The following LRCH1 variants were observed in gnomAD, a reference collection of about 807,000 sequenced individuals.
The protein encoded by LRCH1 is leucine-rich repeat and calponin homology domain-containing protein 1.
In LRCH1, 23 loss-of-function variants were observed where a neutral mutation model predicts 94.9. The ratio of observed to expected loss-of-function variants is 0.24; its 90% confidence interval spans 0.17 to 0.34. The LOEUF is 0.34. LRCH1 is among the 10% of genes least tolerant of loss of function. The probability of loss-of-function intolerance (pLI) is 1.00; values close to 1 mark genes in which losing one functional copy is unlikely to be tolerated. For synonymous variants in LRCH1, 364 were observed against 354.9 expected, an observed-to-expected ratio of 1.03 and a Z score of -0.29; for missense variants, 790 against 945.9, an observed-to-expected ratio of 0.84 and a Z score of 2.16.
chr13:46,679,756 AG>A (rs1218971470), intron 3 of LRCH1: 1 of 152,164 alleles, frequency 6.6e-6, no homozygotes, highest in East Asian at 1.9e-4. Context: ...AAGCTTGGGG[AG>A]GTATCTGCAC....
At chr13:46,694,562 ATACATAGT>A (rs1200981246) in intron 8 of LRCH1, among the ~76,000 whole-genome samples, 1 of 152,326 alleles carries the variant, frequency 6.6e-6, no homozygotes, top group African/African-American at 2.4e-5. Context: ...TAAATATGAA[ATACATAGT>A]AACATATTAC....
intron 4 of LRCH1, among the ~76,000 whole-genome samples, chr13:46,682,445 A>G (rs553705581): frequency 3.9e-5 from 6 of 152,290 alleles, no homozygotes; most frequent in Admixed American, 3.9e-4. Flanking sequence ...AGAGGTTAGG[A>G]CTTCAATATA....
chr13:46,744,636 A>C lies in LRCH1; in HGVS notation c.*2788A>C, dbSNP rs1243923784. On this transcript the variant is annotated 3_prime_UTR_variant, in exon 20 of 20. Coordinates refer to ENST00000389797, the MANE Select transcript of LRCH1 (RefSeq NM_001164211.2). ...AGCCTGCTGCTATTTGTTTGTAAGAAATTAAAACTAGCGCGTGGTGAGCTG... is the reference window on the plus strand; with the variant it reads ...AGCCTGCTGCTATTTGTTTGTAAGACATTAAAACTAGCGCGTGGTGAGCTG... 1.0e-6 allele frequency: 1 copy of C among 985,292 alleles called. No homozygotes were observed. The highest frequency in any genetic ancestry group is 1.2e-6 in the Non-Finnish European group (1 of 829,946). 61.0% of individuals were successfully genotyped at this position (985,292 alleles called of 1,614,324 possible). A position where few individuals can be genotyped will look rare whatever the true frequency, so the allele number is the denominator to read the frequency against.
chr13:46,643,375 G>A (rs1283569298), intron 1 of LRCH1, among the ~76,000 whole-genome samples: 2 of 152,062 alleles, frequency 1.3e-5, no homozygotes, highest in Admixed American at 6.6e-5. Context: ...AACCATGAAC[G>A]GACTGCCCTC....
chr13:46,555,087 A>G (rs1337031101), intron 1 of LRCH1, among the ~76,000 whole-genome samples: 1 of 152,196 alleles, frequency 6.6e-6, no homozygotes, highest in Non-Finnish European at 1.5e-5. Flanking sequence ...GGGTCATTAA[A>G]CTTTGTAATT....
At position 46,553,617 on chromosome 13, in the gene LRCH1, G is replaced by C. The variant is rs780873938; in HGVS notation, c.221G>C (p.Gly74Ala). The change falls in exon 1 of 20, where the codon GGG becomes GCG. Residue 74 changes from glycine (G) to alanine (A), a missense_variant. Gly to Ala is a moderately conservative substitution (Grantham distance 60, BLOSUM62 0). Around this residue, in one of 3 missense-constraint regions of LRCH1, gnomAD observed 136 missense variants for 143.5 expected, o/e 0.95. Transcript: ENST00000389797. ...ERALEEAANS[G>A]GLNLSARKLK... Reference sequence around the variant, plus strand: ...GCGCTTGAGGAGGCGGCCAACTCCGGGGGGCTGAACCTGAGCGCCAGGAAA... The same window carrying C: ...GCGCTTGAGGAGGCGGCCAACTCCGCGGGGCTGAACCTGAGCGCCAGGAAA... The C allele has an allele frequency of 2.9e-5, 46 of 1,578,100 alleles. No homozygotes were observed. Among genetic ancestry groups the C allele is most frequent in the Non-Finnish European group, 3.8e-5 (44 of 1,163,134 alleles).
chr13:46,711,826 C>T lies in LRCH1; in HGVS notation c.1563C>T (p.Ser521=), dbSNP rs1872079502. The T allele has an allele frequency of 6.2e-7, 1 of 1,612,730 alleles. No individual in the cohort carries two copies. Among genetic ancestry groups the T allele is most frequent in the South Asian group, 1.1e-5 (1 of 90,912 alleles). The part of the protein sequence containing the change: ...QSDLTLQSNG[S]QYSPNEIREN... ...ATCTAACATTACAGAGTAACGGGAG[C>T]CAGTATTCTCCAAATGAGGTAAGTT... Residue 521 remains serine (S), a synonymous_variant, in exon 14 of 20, where the codon AGC becomes AGT. Transcript: ENST00000389797.
rs80090165 is a variant in LRCH1 at position 46,575,744 on chromosome 13, C to T, written c.307+22041C>T. ...TAAATGGAATTGAATGATACAGAAA[C>T]CATTGCCTAATTTATATTTAGGTAA... is the stretch of plus-strand genomic sequence containing the variant. On this transcript the variant is annotated intron_variant, in intron 1 of 19. Coordinates refer to ENST00000389797, the MANE Select transcript of LRCH1 (RefSeq NM_001164211.2). Among the ~76,000 whole-genome samples the T allele has an allele frequency of 5.5e-3, 844 of 152,212 alleles. 6 individuals carry two copies. Among genetic ancestry groups the T allele is most frequent in the African/African-American group, 0.019 (804 of 41,524 alleles).
At chr13:46,614,727 C>T (rs989652297) in intron 1 of LRCH1, among the ~76,000 whole-genome samples, 1 of 152,082 alleles carries the variant, frequency 6.6e-6, no homozygotes, top group East Asian at 1.9e-4. Context: ...CTCCCTCTGC[C>T]GGGGAGCGCC....
Position 46,705,151 on chromosome 13 carries a change from C to A in LRCH1, c.1484C>A (p.Ala495Glu). Residue 495 changes from alanine to glutamate, a missense_variant, in exon 12 of 20, where the codon GCA becomes GAA. Coordinates refer to ENST00000389797, the MANE Select transcript of LRCH1 (RefSeq NM_001164211.2). Reference sequence around the variant, plus strand: ...GAAGCCTTAGAATTACAAGATTCTGCACTGAAGTATGCTTGCCTTTTATAA... The same window carrying A: ...GAAGCCTTAGAATTACAAGATTCTGAACTGAAGTATGCTTGCCTTTTATAA... The part of the protein sequence containing the change: ...SAEALELQDS[A>E]LNGQIQLETS... The A allele has an allele frequency of 6.2e-7, 1 of 1,606,072 alleles. No homozygotes were observed. Among genetic ancestry groups the A allele is most frequent in the Non-Finnish European group, 8.5e-7 (1 of 1,175,738 alleles).
exon 19 of LRCH1, chr13:46,752,651 G>A (rs1874189469): frequency 2.0e-5 from 3 of 152,152 alleles, no homozygotes; most frequent in Non-Finnish European, 4.4e-5. Flanking sequence ...ATATAAGTAG[G>A]AGTTTAGCCT....
intron 1 of LRCH1, among the ~76,000 whole-genome samples, chr13:46,603,709 T>G (rs2050656382): frequency 6.6e-6 from 1 of 152,202 alleles, no homozygotes; most frequent in Non-Finnish European, 1.5e-5. Flanking sequence ...CGCTTTGGAG[T>G]GCAGGGGACT....
At chr13:46,663,569 A>G (rs781451349) in intron 2 of LRCH1, among the ~76,000 whole-genome samples, 4 of 152,248 alleles carry the variant, frequency 2.6e-5, no homozygotes, top group Admixed American at 1.3e-4. Context: ...CATATGCAAA[A>G]CAGCAAAAAG....
intron 1 of LRCH1, among the ~76,000 whole-genome samples, chr13:46,641,181 G>A (rs751884920): frequency 1.3e-5 from 2 of 152,136 alleles, no homozygotes; most frequent in African/African-American, 2.4e-5. Flanking sequence ...AGGACATTGC[G>A]GAGCTGAGAG....
intron 2 of LRCH1, among the ~76,000 whole-genome samples, chr13:46,651,662 A>T (rs1457152977): frequency 1.7e-5 from 2 of 118,880 alleles, no homozygotes; most frequent in Non-Finnish European, 3.9e-5. Context: ...ACTCCATGTC[A>T]AAAAAAAAAA....
intron 1 of LRCH1, among the ~76,000 whole-genome samples, chr13:46,559,835 CA>C (rs1358837683): frequency 1.3e-5 from 2 of 152,212 alleles, no homozygotes; most frequent in African/African-American, 4.8e-5. Context: ...CAAATTAGCA[CA>C]CCCTGTCATT....
Position 46,728,862 on chromosome 13 carries a change from T to C in LRCH1, c.1885T>C (p.Leu629=). The change falls in exon 18 of 20, where the codon TTG becomes CTG. Residue 629 remains leucine (L), a synonymous_variant. Coordinates refer to ENST00000389797, the MANE Select transcript of LRCH1 (RefSeq NM_001164211.2). The part of the protein sequence containing the change: ...EQLRESIEMR[L]KVSLHEDLGA... ...TCCCCAACAGAGCATTGAGATGAGA[T>C]TGAAGGTCAGTCTACACGAAGACCT... 1 of 1,608,460 alleles carries C rather than the reference T, an allele frequency of 6.2e-7. No individual in the cohort carries two copies. The highest frequency in any genetic ancestry group is 2.2e-5 in the East Asian group (1 of 44,714).
At chr13:46,613,361 C>A (rs1380147721) in intron 1 of LRCH1, among the ~76,000 whole-genome samples, 1 of 151,298 alleles carries the variant, frequency 6.6e-6, no homozygotes, top group Non-Finnish European at 1.5e-5. Flanking sequence ...GCACTCCTGC[C>A]TGGTGACAGA....
intron 19 of LRCH1, among the ~76,000 whole-genome samples, chr13:46,740,007 A>T (rs1185033341): frequency 6.6e-6 from 1 of 152,242 alleles, no homozygotes; most frequent in East Asian, 1.9e-4. Flanking sequence ...AGATAGAATC[A>T]TCTGCTTTTA....
Sources: gnomAD v4.1 joint callset for allele counts (sites outside exome capture counted in the v4.1 genomes callset) on GRCh38, gnomAD v4.1.1 for gene constraint, gnomAD v4.1.1 regional missense constraint, MANE v1.5 for transcripts, NCBI Gene and HGNC (gene_info 2026-07-23, HGNC 2026-07-21) for gene names.